SPATA18: variants seen among roughly 807,000 people sequenced by gnomAD.
SPATA18 encodes spermatogenesis associated 18, also known as mitochondria-eating protein.
Under a neutral mutation model 68.1 loss-of-function variants are expected in SPATA18, and 54 were observed. The observed-to-expected ratio is 0.79, with a 90% CI of 0.64 to 0.99. The LOEUF is 0.99. SPATA18 is among the 50% of genes least tolerant of loss of function. The probability of loss-of-function intolerance (pLI) is 0.00; values close to 1 mark genes in which losing one functional copy is unlikely to be tolerated. For synonymous variants in SPATA18, 242 were observed against 244.8 expected, an observed-to-expected ratio of 0.99 and a Z score of 0.11; for missense variants, 724 against 681.1, an observed-to-expected ratio of 1.06 and a Z score of -0.70.
chr4:52,083,892 C>T (rs1741171308), intron 10 of SPATA18, among the ~76,000 whole-genome samples: 2 of 151,870 alleles, frequency 1.3e-5, no homozygotes, highest in Admixed American at 1.3e-4. Context: ...AGGTGCATGC[C>T]ACCATGCCCA....
At chr4:52,083,387 G>A (rs1023286734) in intron 10 of SPATA18, 16 of 985,210 alleles carry the variant, frequency 1.6e-5, no homozygotes, top group African/African-American at 3.5e-5. Context: ...AAGAACTGAA[G>A]AAAAGGGTTT....
intron 11 of SPATA18, among the ~76,000 whole-genome samples, chr4:52,088,708 A>G (rs1741663816): frequency 6.6e-6 from 1 of 152,120 alleles, no homozygotes; most frequent in South Asian, 2.1e-4. Context: ...GGATTTTTGC[A>G]TCGATGTTCA....
chr4:52,062,758 A>G (rs1738985307), intron 4 of SPATA18, among the ~76,000 whole-genome samples: 2 of 152,174 alleles, frequency 1.3e-5, no homozygotes, highest in African/African-American at 2.4e-5. Context: ...AAGACAGCAA[A>G]AGTCAAATGA....
At chr4:52,083,023 G>A (rs1180431923) in intron 10 of SPATA18, 1 of 985,228 alleles carries the variant, frequency 1.0e-6, no homozygotes, top group African/African-American at 1.7e-5. Flanking sequence ...AGTTTGGGAA[G>A]GTCGCTTCCT....
At chr4:52,094,669 G>C (rs1220467331) in intron 12 of SPATA18, 97 bp downstream of exon 12, 1 of 1,384,292 alleles carries the variant, frequency 7.2e-7, no homozygotes, top group Non-Finnish European at 1.0e-6. Context: ...TTGCTTCCTA[G>C]AGAGCATCTT....
chr4:52,071,939 G>A lies in SPATA18; in HGVS notation c.541G>A (p.Glu181Lys), dbSNP rs773387875. The change falls in exon 6 of 13, where the codon GAG becomes AAG. Residue 181 changes from glutamate to lysine, a missense_variant. Physicochemically the swap from Glu to Lys is moderately conservative, Grantham distance 56 (BLOSUM62 1). Transcript: ENST00000295213. ...KKQLKSLQAQ[E>K]DARHRNTDQR... ...CAGGCTTAAATCTCTTCAAGCTCAG[G>A]AGGATGCCCGCCACAGAAACACAGA... 1.9e-5 allele frequency: 30 copies of A among 1,613,392 alleles called. No homozygotes were observed. Among genetic ancestry groups the A allele is most frequent in the Admixed American group, 8.3e-5 (5 of 59,926 alleles).
intron 11 of SPATA18, among the ~76,000 whole-genome samples, chr4:52,093,898 A>G (rs967153457): frequency 3.6e-4 from 55 of 152,224 alleles, no homozygotes; most frequent in African/African-American, 1.3e-3. Flanking sequence ...AAAACTGGGT[A>G]TACCTGCAAA....
In SPATA18 at chr4:52,062,331, G is replaced by A. The variant is rs765495718; in HGVS notation, c.421G>A (p.Asp141Asn). The change falls in exon 4 of 13, where the codon GAT becomes AAT. Residue 141 changes from aspartate (D) to asparagine (N), a missense_variant and splice_region_variant. Asp to Asn is a conservative substitution (Grantham distance 23, BLOSUM62 1). Coordinates refer to ENST00000295213, the MANE Select transcript of SPATA18 (RefSeq NM_145263.4). ...TRSQCNQVQD[D>N]LVETEKNLEE... ...GAGTCAATGCAACCAGGTTCAAGAC[G>A]AGTAAGAGGAATGCAAGTTATCTTT... 2.0e-5 allele frequency: 31 copies of A among 1,580,776 alleles called. No homozygotes were observed. The highest frequency in any genetic ancestry group is 1.0e-4 in the South Asian group (9 of 87,770).
At chr4:52,082,685 C>G in intron 10 of SPATA18, 175 bp downstream of exon 10, 1 of 1,452,452 alleles carries the variant, frequency 6.9e-7, no homozygotes, top group South Asian at 1.4e-5. Context: ...TTGATTCTTC[C>G]ATAATTCTGC....
In SPATA18 at chr4:52,078,110, A is replaced by T. The variant is rs908480521; in HGVS notation, c.1021-625A>T. On this transcript the variant is annotated intron_variant, in intron 7 of 12. Transcript: ENST00000295213. Reference sequence around the variant, plus strand: ...GTTTTTAGATTTTTAAAGGGTTGTAAAAAAAAAAAAAGACAGAAACTGTAT... The same window carrying T: ...GTTTTTAGATTTTTAAAGGGTTGTATAAAAAAAAAAAGACAGAAACTGTAT... Among the ~76,000 whole-genome samples the T allele has an allele frequency of 4.2e-4, 13 of 30,812 alleles. 1 individual carries two copies. In the East Asian group the frequency reaches 6.8e-3, roughly 16 times the overall value. The allele number at this position is 30,812 out of a possible 152,430, so 20.2% of individuals were successfully genotyped here.
intron 4 of SPATA18, among the ~76,000 whole-genome samples, chr4:52,067,776 A>C (rs567913891): frequency 6.6e-6 from 1 of 152,348 alleles, no homozygotes; most frequent in South Asian, 2.1e-4. Context: ...ACTTAAAAAA[A>C]TAAACTTGCT....
intron 5 of SPATA18, 91 bp downstream of exon 5, chr4:52,070,007 A>G (rs1226587661): frequency 1.7e-6 from 1 of 576,918 alleles, no homozygotes; most frequent in Non-Finnish European, 2.6e-6. Context: ...TCTGTTCACT[A>G]TCAGAGAGAA....
intron 4 of SPATA18, among the ~76,000 whole-genome samples, 165 bp downstream of exon 4, chr4:52,062,497 G>GGA (rs1452526126): frequency 2.6e-5 from 4 of 151,898 alleles, no homozygotes; most frequent in East Asian, 1.9e-4. Flanking sequence ...AGAGAGAGAG[G>GGA]GAGAGAGAGA....
rs139617884 is a variant in SPATA18, at chr4:52,095,229, G to A, written c.*342G>A. On this transcript the variant is annotated 3_prime_UTR_variant, in exon 13 of 13. Transcript: ENST00000295213. ...TTTTATGGGAACTGTGTGAACTGAA[G>A]TGGAAAGCATCTACCATGCTGAGGC... 10 of 327,664 alleles carry A rather than the reference G, an allele frequency of 3.1e-5. No individual in the cohort carries two copies. The highest frequency in any genetic ancestry group is 2.1e-4 in the African/African-American group (10 of 46,808). 20.3% of individuals were successfully genotyped at this position (327,664 alleles called of 1,614,324 possible).
intron 1 of SPATA18, among the ~76,000 whole-genome samples, chr4:52,057,655 A>T (rs1459240756): frequency 6.6e-6 from 1 of 152,204 alleles, no homozygotes; most frequent in Non-Finnish European, 1.5e-5. Context: ...TCCTAAACAG[A>T]GGGAAACAGA....
intron 6 of SPATA18, 96 bp downstream of exon 6, chr4:52,072,252 C>A (rs562536403): frequency 6.6e-7 from 1 of 1,523,072 alleles, no homozygotes; most frequent in Non-Finnish European, 8.8e-7. Flanking sequence ...AAATGATACC[C>A]TGAACCAAAA....
At chr4:52,074,532 T>C (rs1740151339) in intron 6 of SPATA18, among the ~76,000 whole-genome samples, 1 of 152,120 alleles carries the variant, frequency 6.6e-6, no homozygotes, top group Non-Finnish European at 1.5e-5. Flanking sequence ...TTTTCCGACA[T>C]TGGTTATATC....
chr4:52,056,740 A>G (rs1738380670), intron 1 of SPATA18, among the ~76,000 whole-genome samples: 1 of 152,156 alleles, frequency 6.6e-6, no homozygotes, highest in Admixed American at 6.5e-5. Context: ...TCTCTCAGCT[A>G]GATGGTTATA....
At chr4:52,090,528 CT>C (rs1226837555) in intron 11 of SPATA18, among the ~76,000 whole-genome samples, 1 of 152,050 alleles carries the variant, frequency 6.6e-6, no homozygotes, top group African/African-American at 2.4e-5. Context: ...TTTATTTCTC[CT>C]TTGCTTATGA....
Sources: gnomAD v4.1 joint callset for allele counts (sites outside exome capture counted in the v4.1 genomes callset) on GRCh38, gnomAD v4.1.1 for gene constraint, MANE v1.5 for transcripts, NCBI Gene and HGNC (gene_info 2026-07-23, HGNC 2026-07-21) for gene names.